Variants in RBBP6 observed in about 807,000 individuals in gnomAD.
The protein encoded by RBBP6 is E3 ubiquitin-protein ligase RBBP6.
In RBBP6, 25 loss-of-function variants were observed where a neutral mutation model predicts 167.7. The observed-to-expected ratio is 0.15, with a 90% CI of 0.11 to 0.21. The LOEUF (loss-of-function observed/expected upper bound fraction) is 0.21. Ranked by LOEUF, RBBP6 falls within the 10% of genes least tolerant of loss-of-function variation. The pLI is 1.00. For missense variants in RBBP6, 1,868 were observed against 2,134.2 expected (o/e 0.88, Z 2.46); for synonymous variants, 789 against 735.8 (o/e 1.07, Z -1.17).
rs147567798 is a variant in RBBP6 at position 24,571,252 on chromosome 16, G to C, written c.4186G>C (p.Ala1396Pro). The C allele has an allele frequency of 1.9e-6, 3 of 1,612,466 alleles. No individual in the cohort carries two copies. The highest frequency in any genetic ancestry group is 1.7e-6 in the Non-Finnish European group (2 of 1,179,656). The change falls in exon 18 of 18, where the codon GCA becomes CCA. Residue 1396 changes from alanine (A) to proline (P), a missense_variant. By Grantham distance (27) the Ala-to-Pro change is conservative. Transcript: ENST00000319715. ...TGAGGTTAAAAGTTCAAAAAACTCT[G>C]CATCTAGTGAAAAAGGGAAAACCAA... ...QHEVKSSKNS[A>P]SSEKGKTKDR...
chr16:24,559,828 T>C, intron 8 of RBBP6, 151 bp downstream of exon 8: 1 of 607,096 alleles, frequency 1.6e-6, no homozygotes, highest in South Asian at 5.3e-5. Flanking sequence ...AGAAGTCTGT[T>C]TTTCTTGCTG....
chr16:24,564,738 A>ATTC, intron 13 of RBBP6, 59 bp from the exon 14 acceptor site: 1 of 1,540,476 alleles, frequency 6.5e-7, no homozygotes, highest in Non-Finnish European at 8.7e-7. Flanking sequence ...ATGCATGGAA[A>ATTC]GGTCATGTAT....
At position 24,567,357 on chromosome 16, in the gene RBBP6, C is replaced by A; in HGVS notation, c.1804C>A (p.Pro602Thr). 6.2e-7 allele frequency: 1 copy of A among 1,614,174 alleles called. No individual in the cohort carries two copies. The highest frequency in any genetic ancestry group is 8.5e-7 in the Non-Finnish European group (1 of 1,180,022). The change falls in exon 15 of 18, where the codon CCA becomes ACA. Residue 602 changes from proline (P) to threonine (T), a missense_variant. Around this residue, in one of 7 missense-constraint regions of RBBP6, gnomAD observed 145 missense variants for 224.3 expected, o/e 0.65. Transcript: ENST00000319715. ...ACCCGCTGGGTATAGTGTCCCTCCT[C>A]CAGGGTTTCCTCCAGCTCCTGCCAA... The part of the protein sequence containing the change: ...PPPAGYSVPP[P>T]GFPPAPANLS...
At chr16:24,545,375 AGTC>A (rs1264418091) in intron 1 of RBBP6, among the ~76,000 whole-genome samples, 2 of 152,184 alleles carry the variant, frequency 1.3e-5, no homozygotes, top group Admixed American at 6.5e-5. Context: ...CCTGGCCAGT[AGTC>A]TTTTTTTCTT....
chr16:24,551,015 G>A (rs1898783270), intron 3 of RBBP6, among the ~76,000 whole-genome samples: 1 of 151,778 alleles, frequency 6.6e-6, no homozygotes, highest in African/African-American at 2.4e-5. Flanking sequence ...TTTGGTAATG[G>A]AAGCGAACTC....
chr16:24,572,165 C>G lies in RBBP6; in HGVS notation c.5099C>G (p.Pro1700Arg), dbSNP rs772605573. 3 of 1,614,062 alleles carry G rather than the reference C, an allele frequency of 1.9e-6. No individual in the cohort carries two copies. Among genetic ancestry groups the G allele is most frequent in the African/African-American group, 1.3e-5 (1 of 75,012 alleles). The change falls in exon 18 of 18, where the codon CCC becomes CGC. Residue 1700 changes from proline to arginine, a missense_variant. Around this residue, in one of 7 missense-constraint regions of RBBP6, gnomAD observed 591 missense variants for 540.5 expected, o/e 1.09. Transcript: ENST00000319715. ...AGCCACAGCAGCCCCAGCGTCAGCC[C>G]CAGCAGAAGCCACAGTCCTTCTGGA... is the stretch of plus-strand genomic sequence containing the variant. ...NQSHSSPSVSPSRSHSPSGSQ... is the reference protein window; with the variant it reads ...NQSHSSPSVSRSRSHSPSGSQ...
chr16:24,566,369 A>G (rs893148076), intron 14 of RBBP6, among the ~76,000 whole-genome samples: 3 of 152,384 alleles, frequency 2.0e-5, no homozygotes, highest in African/African-American at 7.2e-5. Flanking sequence ...TGTTAATTAT[A>G]GAAGTTAAAA....
chr16:24,563,707 A>G (rs777352358), intron 13 of RBBP6, 43 bp downstream of exon 13: 1 of 1,581,038 alleles, frequency 6.3e-7, no homozygotes, highest in South Asian at 1.1e-5. Context: ...TTGCCTGCAA[A>G]CTAGATAATG....
At position 24,572,243 on chromosome 16, in the gene RBBP6, G is replaced by C; in HGVS notation, c.5177G>C (p.Ser1726Thr). The C allele has an allele frequency of 6.2e-7, 1 of 1,613,740 alleles. No homozygotes were observed. The highest frequency in any genetic ancestry group is 1.1e-5 in the South Asian group (1 of 91,034). ...SSASSAESQD[S>T]KKKKKKKEKK... ...GCCAGCTCAGCAGAAAGTCAGGACA[G>C]CAAGAAGAAGAAGAAAAAGAAGGAA... The change falls in exon 18 of 18, where the codon AGC (serine) becomes ACC (threonine). Residue 1726 changes from serine (S) to threonine (T), a missense_variant. Physicochemically the swap from Ser to Thr is moderately conservative, Grantham distance 58. Coordinates refer to ENST00000319715, the MANE Select transcript of RBBP6 (RefSeq NM_006910.5).
chr16:24,567,032 T>C, intron 14 of RBBP6, 111 bp from the exon 15 acceptor site: 3 of 1,128,108 alleles, frequency 2.7e-6, no homozygotes, highest in Non-Finnish European at 3.7e-6. Context: ...AATAGTTGGT[T>C]CTATTCCACT....
At chr16:24,570,800 AT>A in intron 17 of RBBP6, 75 bp from the exon 18 acceptor site, 1 of 1,183,446 alleles carries the variant, frequency 8.4e-7, no homozygotes, top group Non-Finnish European at 1.1e-6. Context: ...TTAAGTTAGC[AT>A]TTTTATATTT....
Position 24,571,624 on chromosome 16 carries a change from G to A in RBBP6, c.4558G>A (p.Asp1520Asn). Residue 1520 changes from aspartate to asparagine, a missense_variant, in exon 18 of 18, where the codon GAT becomes AAT. Coordinates refer to ENST00000319715, the MANE Select transcript of RBBP6 (RefSeq NM_006910.5). The stretch of plus-strand genomic sequence containing the variant: ...GAAAAATAAACCAAGGGAAGAGAGA[G>A]ATTTGCCTAAAAAAGGAACAGGAGA... ...GQKNKPREER[D>N]LPKKGTGDSK... is the part of the protein sequence containing the mutation. The A allele has an allele frequency of 6.2e-7, 1 of 1,611,498 alleles. No individual in the cohort carries two copies. The highest frequency in any genetic ancestry group is 8.5e-7 in the Non-Finnish European group (1 of 1,179,398).
chr16:24,545,500 T>C (rs1898622061), intron 1 of RBBP6, among the ~76,000 whole-genome samples: 1 of 152,214 alleles, frequency 6.6e-6, no homozygotes, highest in Non-Finnish European at 1.5e-5. Context: ...ATTCTTTTCT[T>C]TTATTTTCTT....
At position 24,569,835 on chromosome 16, in the gene RBBP6, C is replaced by T. The variant is rs144728205; in HGVS notation, c.3145C>T (p.Arg1049Cys). 1.4e-5 allele frequency: 22 copies of T among 1,611,490 alleles called. No individual in the cohort carries two copies. The highest frequency in any genetic ancestry group is 5.4e-5 in the African/African-American group (4 of 74,668). ...KGPQEKVDGERERSPRSEPPI... is the reference protein window; with the variant it reads ...KGPQEKVDGECERSPRSEPPI... ...ACCCCAAGAAAAAGTAGATGGAGAACGTGAGAGATCTCCTCGATCTGAACC... is the reference window on the plus strand; with the variant it reads ...ACCCCAAGAAAAAGTAGATGGAGAATGTGAGAGATCTCCTCGATCTGAACC... The change falls in exon 17 of 18, where the codon CGT becomes TGT. Residue 1049 changes from arginine (R) to cysteine (C), a missense_variant. By Grantham distance (180) the Arg-to-Cys change is radical. Around this residue, in one of 7 missense-constraint regions of RBBP6, gnomAD observed 673 missense variants for 691.5 expected, o/e 0.97. Coordinates refer to ENST00000319715, the MANE Select transcript of RBBP6 (RefSeq NM_006910.5).
At position 24,561,864 on chromosome 16, in the gene RBBP6, G is replaced by A. The variant is rs754199955; in HGVS notation, c.992G>A (p.Arg331Lys). ...AAAAATGAAACTGGCTATACAAAAA[G>A]ACTACGAAAACAGTTACCTCCTCCA... The part of the protein sequence containing the change: ...NFKNETGYTK[R>K]LRKQLPPPPP... Residue 331 changes from arginine to lysine, a missense_variant, in exon 10 of 18, where the codon AGA (arginine) becomes AAA (lysine). This residue lies in a region of RBBP6 where 245 missense variants were observed against 240.1 expected (regional missense o/e 1.02). Transcript: ENST00000319715. The A allele has an allele frequency of 1.2e-5, 19 of 1,612,760 alleles. No homozygotes were observed. In the Admixed American group the frequency reaches 2.0e-4, roughly 17 times the overall value.
chr16:24,566,199 T>G (rs2033214), intron 14 of RBBP6, among the ~76,000 whole-genome samples: 21,991 of 152,210 alleles, frequency 0.14, 1,936 homozygotes, highest in South Asian at 0.29. Context: ...GCTTAAAATC[T>G]AAACCCCTAC....
chr16:24,563,810 C>T, intron 13 of RBBP6, 146 bp downstream of exon 13: 2 of 623,070 alleles, frequency 3.2e-6, no homozygotes, highest in Non-Finnish European at 4.9e-6. Context: ...GCCAGATTAA[C>T]ATTTTTTATG....
In RBBP6 at chr16:24,572,619, G is replaced by A. The variant is rs1175662019; in HGVS notation, c.*174G>A. On this transcript the variant is annotated 3_prime_UTR_variant, in exon 18 of 18. Transcript: ENST00000319715. ...TCAGAGCTTTATAACACGAACTTTT[G>A]TACAGAATTGTGAGTTGTGACCATG... 8 of 936,430 alleles carry A rather than the reference G, an allele frequency of 8.5e-6. No homozygotes were observed. The highest frequency in any genetic ancestry group is 1.2e-5 in the Non-Finnish European group (8 of 666,196). The allele number at this position is 936,430 out of a possible 1,614,324, so 58.0% of individuals were successfully genotyped here. A position where few individuals can be genotyped will look rare whatever the true frequency, so the allele number is the denominator to read the frequency against.
chr16:24,562,700 AAG>A (rs1491366700), intron 10 of RBBP6, among the ~76,000 whole-genome samples: 2 of 151,162 alleles, frequency 1.3e-5, no homozygotes, highest in Non-Finnish European at 3.0e-5. Context: ...AAAAAAAAAA[AAG>A]GTGTAAGAGG....
Sources: allele counts gnomAD v4.1 joint callset (sites outside exome capture counted in the v4.1 genomes callset), GRCh38; gene constraint gnomAD v4.1.1; regional missense constraint gnomAD v4.1.1; transcripts MANE v1.5; gene names NCBI Gene and HGNC (gene_info 2026-07-23, HGNC 2026-07-21).